Variants in TWIST2 observed in about 807,000 individuals in gnomAD.
TWIST2 encodes the protein twist family bHLH transcription factor 2.
TWIST2 carries 1 observed loss-of-function variant against 11.6 expected under a neutral mutation model. That is an observed-to-expected ratio of 0.09 (90% CI 0.03 to 0.41). The LOEUF is 0.41. TWIST2 is among the 10% of genes least tolerant of loss of function. The pLI is 0.98. For synonymous variants in TWIST2, 87 were observed against 96.6 expected, an observed-to-expected ratio of 0.90 and a Z score of 0.58; for missense variants, 168 against 226.4, an observed-to-expected ratio of 0.74 and a Z score of 1.66.
At chr2:238,868,399 A>G (rs1692583083) in intron 1 of TWIST2, among the ~76,000 whole-genome samples, 1 of 152,212 alleles carries the variant, frequency 6.6e-6, no homozygotes, top group African/African-American at 2.4e-5. Context: ...GGAAGAACAA[A>G]AAACAAAACC....
intron 1 of TWIST2, among the ~76,000 whole-genome samples, chr2:238,902,237 ATG>A (rs1478783692): frequency 7.9e-6 from 1 of 126,842 alleles, no homozygotes; most frequent in Non-Finnish European, 1.7e-5. Flanking sequence ...TGTGTGTGTG[ATG>A]TGTGTGGTAA....
chr2:238,849,349 G>T (rs966575853), intron 1 of TWIST2, among the ~76,000 whole-genome samples: 17 of 152,236 alleles, frequency 1.1e-4, no homozygotes, highest in African/African-American at 4.1e-4. Context: ...TGGGGAGGAC[G>T]GGAGGAAACT....
At chr2:238,869,528 A>G (rs1169442806) in intron 1 of TWIST2, among the ~76,000 whole-genome samples, 1 of 152,200 alleles carries the variant, frequency 6.6e-6, no homozygotes, top group Non-Finnish European at 1.5e-5. Context: ...CCTGCATAAA[A>G]GTAGGCAAAG....
At chr2:238,859,328 A>G (rs1418287829) in intron 1 of TWIST2, among the ~76,000 whole-genome samples, 1 of 152,084 alleles carries the variant, frequency 6.6e-6, no homozygotes, top group Non-Finnish European at 1.5e-5. Context: ...TTTCATTTAT[A>G]TGAAATGTCC....
chr2:238,884,002 G>GAATTCCCCTAGGGTTAATCCA (rs1035914309), intron 1 of TWIST2, among the ~76,000 whole-genome samples: 1 of 152,096 alleles, frequency 6.6e-6, no homozygotes, highest in African/African-American at 2.4e-5. Context: ...GGGTTAATCT[G>GAATTCCCCTAGGGTTAATCCA]AATTCCCCTA....
chr2:238,881,381 GTAT>G (rs1692925374), intron 1 of TWIST2, among the ~76,000 whole-genome samples: 1 of 150,990 alleles, frequency 6.6e-6, no homozygotes, highest in African/African-American at 2.4e-5. Flanking sequence ...GTATTTATTA[GTAT>G]TAGTTACTAT....
chr2:238,897,792 C>T (rs1044007741), intron 1 of TWIST2, among the ~76,000 whole-genome samples: 1 of 152,228 alleles, frequency 6.6e-6, no homozygotes, highest in East Asian at 1.9e-4. Flanking sequence ...CCCGGGCTGG[C>T]AGCAAGCTGG....
chr2:238,848,272 G>A lies in TWIST2; in HGVS notation c.57G>A (p.Glu19=), dbSNP rs1437768066. The change falls in exon 1 of 2, where the codon GAG becomes GAA. Residue 19 remains glutamate, a synonymous_variant. Coordinates refer to ENST00000612363, the MANE Select transcript of TWIST2 (RefSeq NM_001271893.4). ...CCGTGGACAGCCTGGGCACCAGCGA[G>A]GAGGAGCTCGAGAGGCAGCCCAAGC... The part of the protein sequence containing the change: ...VSPVDSLGTS[E]EELERQPKRF... The A allele has an allele frequency of 2.6e-6, 4 of 1,528,462 alleles. No homozygotes were observed. The Admixed American group carries it at 7.9e-5, about 30-fold the overall frequency. 94.7% of individuals were successfully genotyped at this position (1,528,462 alleles called of 1,614,324 possible).
rs145986384 is a variant in TWIST2, at chr2:238,861,424, C to T, written c.*35+12691C>T. Among the ~76,000 whole-genome samples, 493 of 152,242 alleles carry T rather than the reference C, an allele frequency of 3.2e-3. 3 individuals are homozygous for T. Among genetic ancestry groups the T allele is most frequent in the African/African-American group, 0.011 (437 of 41,538 alleles). On this transcript the variant is annotated intron_variant, in intron 1 of 1. Coordinates refer to ENST00000612363, the MANE Select transcript of TWIST2 (RefSeq NM_001271893.4). ...ATGCCTGGGGGGACACTGGAGCCAGCGCCCAGTGAGTGTAGGGTAACTAGA... is the reference window on the plus strand; with the variant it reads ...ATGCCTGGGGGGACACTGGAGCCAGTGCCCAGTGAGTGTAGGGTAACTAGA...
intron 1 of TWIST2, among the ~76,000 whole-genome samples, chr2:238,853,382 GGA>G (rs374173009): frequency 0.027 from 3,714 of 139,580 alleles, 148 homozygotes; most frequent in African/African-American, 0.091. Flanking sequence ...GAGGAGGGAG[GGA>G]GAGAGAGAGA....
intron 1 of TWIST2, among the ~76,000 whole-genome samples, chr2:238,884,109 C>A (rs1351830664): frequency 6.6e-6 from 1 of 152,218 alleles, no homozygotes; most frequent in Non-Finnish European, 1.5e-5. Context: ...ACAGAAGGCA[C>A]CCCGAGTGCC....
intron 1 of TWIST2, among the ~76,000 whole-genome samples, chr2:238,882,965 C>G (rs1692964271): frequency 6.6e-6 from 1 of 152,140 alleles, no homozygotes; most frequent in South Asian, 2.1e-4. Flanking sequence ...GTGCAGATGT[C>G]TGAGCCCTTC....
At chr2:238,897,438 TC>T (rs1379118575) in intron 1 of TWIST2, among the ~76,000 whole-genome samples, 2 of 151,966 alleles carry the variant, frequency 1.3e-5, no homozygotes, top group East Asian at 1.9e-4. Context: ...CTTGCCACCT[TC>T]CCCCTACAGC....
chr2:238,888,097 C>G (rs561242690), intron 1 of TWIST2, among the ~76,000 whole-genome samples: 5 of 152,298 alleles, frequency 3.3e-5, no homozygotes, highest in African/African-American at 1.2e-4. Context: ...ACAAAATGTT[C>G]CCAAGGTGTA....
chr2:238,853,396 A>AGAGAGAGG (rs1410921496), intron 1 of TWIST2, among the ~76,000 whole-genome samples: 3 of 147,938 alleles, frequency 2.0e-5, no homozygotes, highest in African/African-American at 5.2e-5. Flanking sequence ...AGAGAGAGAG[A>AGAGAGAGG]GAGAGAGGGA....
intron 1 of TWIST2, among the ~76,000 whole-genome samples, chr2:238,860,758 C>T (rs915205537): frequency 3.9e-5 from 6 of 152,108 alleles, no homozygotes; most frequent in African/African-American, 9.7e-5. Context: ...GCCAACATGG[C>T]GAAACCCCGG....
intron 1 of TWIST2, among the ~76,000 whole-genome samples, chr2:238,904,789 GAA>G (rs1173346178): frequency 6.6e-6 from 1 of 152,020 alleles, no homozygotes; most frequent in Non-Finnish European, 1.5e-5. Context: ...AGGGAGGAAA[GAA>G]AGAAGGGAGG....
At position 238,848,662 on chromosome 2, in the gene TWIST2, C is replaced by T. The variant is rs1312002748; in HGVS notation, c.447C>T (p.Arg149=). 1.3e-6 allele frequency: 2 copies of T among 1,535,024 alleles called. No individual in the cohort carries two copies. Among genetic ancestry groups the T allele is most frequent in the East Asian group, 4.9e-5 (2 of 40,830 alleles). Residue 149 remains arginine, a synonymous_variant, in exon 1 of 2, where the codon CGC becomes CGT. Transcript: ENST00000612363. The stretch of plus-strand genomic sequence containing the variant: ...TCAGCTACGCCTTCTCCGTGTGGCG[C>T]ATGGAGGGCGCGTGGTCCATGTCCG... ...ERLSYAFSVW[R]MEGAWSMSAS...
intron 1 of TWIST2, among the ~76,000 whole-genome samples, chr2:238,882,789 A>G (rs541086317): frequency 6.6e-6 from 1 of 152,276 alleles, no homozygotes; most frequent in East Asian, 1.9e-4. Flanking sequence ...GGGAAGTGAT[A>G]TCTTGATTTT....
Sources: allele counts gnomAD v4.1 joint callset (sites outside exome capture counted in the v4.1 genomes callset), GRCh38; gene constraint gnomAD v4.1.1; transcripts MANE v1.5; gene names NCBI Gene and HGNC (gene_info 2026-07-23, HGNC 2026-07-21).